The following PEMT variants were observed in gnomAD, a reference collection of about 807,000 sequenced individuals.
PEMT encodes phosphatidylethanolamine N-methyltransferase.
Under a neutral mutation model 27.4 loss-of-function variants are expected in PEMT, and 23 were observed. That is an observed-to-expected ratio of 0.84 (90% CI 0.60 to 1.19). PEMT has a LOEUF of 1.19. PEMT is among the 50% of genes most tolerant of loss of function. The pLI is 0.00. For synonymous variants in PEMT, 137 were observed against 139.1 expected, an observed-to-expected ratio of 0.98 and a Z score of 0.11; for missense variants, 307 against 310.1, an observed-to-expected ratio of 0.99 and a Z score of 0.07.
chr17:17,556,478 G>T (rs2142671443), intron 2 of PEMT, among the ~76,000 whole-genome samples: 1 of 151,982 alleles, frequency 6.6e-6, no homozygotes, highest in Non-Finnish European at 1.5e-5. Context: ...GGTTCAAGAG[G>T]TTCCCCTGCC....
intron 2 of PEMT, among the ~76,000 whole-genome samples, chr17:17,524,591 C>G (rs1205154939): frequency 1.4e-5 from 2 of 140,390 alleles, no homozygotes; most frequent in South Asian, 2.2e-4. Context: ...TAGTGAGACC[C>G]TGTCTCTCCA....
At chr17:17,527,823 C>A (rs1338505604) in intron 2 of PEMT, among the ~76,000 whole-genome samples, 1 of 152,238 alleles carries the variant, frequency 6.6e-6, no homozygotes, top group Non-Finnish European at 1.5e-5. Context: ...CCACACTGGG[C>A]TCGCCGGCTG....
At chr17:17,559,347 CTG>C (rs1910300702) in intron 2 of PEMT, among the ~76,000 whole-genome samples, 1 of 152,244 alleles carries the variant, frequency 6.6e-6, no homozygotes, top group African/African-American at 2.4e-5. Flanking sequence ...GAAGAGGAAA[CTG>C]AGGCTCACAG....
intron 1 of PEMT, among the ~76,000 whole-genome samples, chr17:17,590,360 C>T (rs888230609): frequency 6.6e-6 from 1 of 152,232 alleles, no homozygotes; most frequent in Non-Finnish European, 1.5e-5. Context: ...TGCCTCCCTC[C>T]TCTGGGGAAT....
intron 1 of PEMT, among the ~76,000 whole-genome samples, chr17:17,587,659 T>C (rs1298450570): frequency 6.6e-6 from 1 of 152,042 alleles, no homozygotes; most frequent in Admixed American, 6.6e-5. Flanking sequence ...GGTCAGGAGT[T>C]TGAGACCAGC....
At chr17:17,566,609 T>C (rs926910040) in intron 2 of PEMT, among the ~76,000 whole-genome samples, 14 of 152,184 alleles carry the variant, frequency 9.2e-5, no homozygotes, top group Non-Finnish European at 1.8e-4. Context: ...GAAGCCAGGC[T>C]GGAAGAGCCA....
At chr17:17,563,070 A>G (rs1266052853) in intron 2 of PEMT, among the ~76,000 whole-genome samples, 1 of 152,172 alleles carries the variant, frequency 6.6e-6, no homozygotes, top group Non-Finnish European at 1.5e-5. Context: ...CCTTGTGACT[A>G]GGACAGCCTG....
At chr17:17,511,302 T>C (rs1199012384) in intron 4 of PEMT, among the ~76,000 whole-genome samples, 5 of 151,992 alleles carry the variant, frequency 3.3e-5, no homozygotes, top group Admixed American at 6.5e-5. Context: ...TGGACCAAAC[T>C]CCCTACAGCG....
At chr17:17,511,487 G>T (rs963207780) in intron 4 of PEMT, among the ~76,000 whole-genome samples, 1 of 152,212 alleles carries the variant, frequency 6.6e-6, no homozygotes, top group African/African-American at 2.4e-5. Flanking sequence ...GACAGCCCAC[G>T]GTGCCCTGGG....
intron 2 of PEMT, among the ~76,000 whole-genome samples, chr17:17,538,943 G>C (rs976858909): frequency 6.6e-6 from 1 of 152,198 alleles, no homozygotes; most frequent in Non-Finnish European, 1.5e-5. Context: ...TTTTATGGGC[G>C]AGAGACATTA....
chr17:17,558,696 A>C (rs1489646382), intron 2 of PEMT, among the ~76,000 whole-genome samples: 2 of 125,156 alleles, frequency 1.6e-5, no homozygotes, highest in East Asian at 4.1e-4. Flanking sequence ...AAAAAAAAAA[A>C]AAACAAAAAG....
At position 17,582,878 on chromosome 17, in the gene PEMT, ATGGTGAAACC is replaced by A. The variant is rs1451756838; in HGVS notation, c.97-5861_97-5852del. Among the ~76,000 whole-genome samples the A allele has an allele frequency of 6.6e-6, 1 of 152,150 alleles. No homozygotes were observed. The highest frequency in any genetic ancestry group is 1.5e-5 in the Non-Finnish European group (1 of 68,020). ...GGAGTCAGAGATCAGCCTGGCCAATATGGTGAAACCCCGTTTCTACTAAAAATACAAAAAT... is the reference window on the plus strand; with the variant it reads ...GGAGTCAGAGATCAGCCTGGCCAATACCGTTTCTACTAAAAATACAAAAAT... On this transcript the variant is annotated intron_variant, in intron 1 of 6. Coordinates refer to ENST00000255389, the MANE Select transcript of PEMT (RefSeq NM_148172.3). The surrounding 1 kb of genome is among the most constrained non-coding windows in gnomAD (Gnocchi z 4.9).
At chr17:17,574,223 G>C (rs1368328267) in intron 2 of PEMT, among the ~76,000 whole-genome samples, 1 of 89,370 alleles carries the variant, frequency 1.1e-5, no homozygotes, top group Non-Finnish European at 2.0e-5. Flanking sequence ...CTCAAAATGA[G>C]ACTAATCAAA....
At chr17:17,525,171 C>A (rs1232033645) in intron 2 of PEMT, among the ~76,000 whole-genome samples, 1 of 152,126 alleles carries the variant, frequency 6.6e-6, no homozygotes, top group Non-Finnish European at 1.5e-5. Context: ...CCTCAGCCTC[C>A]CATACAGCCC....
chr17:17,552,413 T>G lies in PEMT; in HGVS notation c.204+24507A>C, dbSNP rs150030718. On this transcript the variant is annotated intron_variant, in intron 2 of 6. Transcript: ENST00000255389. Reference sequence around the variant, plus strand: ...TGGGTATTTCATCTGCCATTTGGGATTCTCATGTCTAATAAGGGCCTTGCC... The same window carrying G: ...TGGGTATTTCATCTGCCATTTGGGAGTCTCATGTCTAATAAGGGCCTTGCC... 2.1e-3 allele frequency among the ~76,000 whole-genome samples: 325 copies of G among 152,266 alleles called. 3 individuals are homozygous for G. The highest frequency in any genetic ancestry group is 7.6e-3 in the African/African-American group (314 of 41,528).
chr17:17,591,654 C>A lies in PEMT; in HGVS notation c.-28G>T. The A allele has an allele frequency of 1.9e-6, 3 of 1,599,528 alleles. No homozygotes were observed. Among genetic ancestry groups the A allele is most frequent in the Non-Finnish European group, 2.6e-6 (3 of 1,173,580 alleles). On this transcript the variant is annotated 5_prime_UTR_variant, in exon 1 of 7. Coordinates refer to ENST00000255389, the MANE Select transcript of PEMT (RefSeq NM_148172.3). Reference sequence around the variant, plus strand: ...GGGGGCCGCCTCAGGAGGCACCACGCGGGCCCCGCTGCAGCCACGCGCCCC... The same window carrying A: ...GGGGGCCGCCTCAGGAGGCACCACGAGGGCCCCGCTGCAGCCACGCGCCCC...
At position 17,578,431 on chromosome 17, in the gene PEMT, C is replaced by T. The variant is rs144567410; in HGVS notation, c.97-1404G>A. On this transcript the variant is annotated intron_variant, in intron 1 of 6. Coordinates refer to ENST00000255389, the MANE Select transcript of PEMT (RefSeq NM_148172.3). ...AGAGGATCGCTTGAGCCCAGGTGTT[C>T]GAGGCTGTAGTGAGCTGTGATCGTG... Among the ~76,000 whole-genome samples the T allele has an allele frequency of 4.4e-3, 662 of 151,928 alleles. 9 individuals are homozygous for T. Among genetic ancestry groups the T allele is most frequent in the African/African-American group, 0.015 (619 of 41,452 alleles).
chr17:17,589,097 A>G (rs1912469663), intron 1 of PEMT, among the ~76,000 whole-genome samples: 1 of 152,162 alleles, frequency 6.6e-6, no homozygotes, highest in South Asian at 2.1e-4. Context: ...AGTAGCTGGG[A>G]TTACAGGCAT....
chr17:17,548,405 G>C lies in PEMT; in HGVS notation c.205-26010C>G, dbSNP rs143895250. Reference sequence around the variant, plus strand: ...TCTTCTGGAGACCAGGGGTCTGGGGGAGGAAGAGGGATTCCAAAGCTCTAG... The same window carrying C: ...TCTTCTGGAGACCAGGGGTCTGGGGCAGGAAGAGGGATTCCAAAGCTCTAG... On this transcript the variant is annotated intron_variant, in intron 2 of 6. Transcript: ENST00000255389. 2.7e-3 allele frequency among the ~76,000 whole-genome samples: 415 copies of C among 152,350 alleles called. 1 individual carries two copies. The highest frequency in any genetic ancestry group is 9.3e-3 in the African/African-American group (385 of 41,582).
Sources: allele counts gnomAD v4.1 joint callset (sites outside exome capture counted in the v4.1 genomes callset), GRCh38; gene constraint gnomAD v4.1.1; non-coding constraint Gnocchi (gnomAD v3.1); transcripts MANE v1.5; gene names NCBI Gene and HGNC (gene_info 2026-07-23, HGNC 2026-07-21).